SHANK2: variants seen among roughly 807,000 people sequenced by gnomAD.
SHANK2 encodes the protein SH3 and multiple ankyrin repeat domains 2.
In SHANK2, 43 loss-of-function variants were observed where a neutral mutation model predicts 133.7. The observed-to-expected ratio is 0.32, with a 90% confidence interval of 0.25 to 0.41. SHANK2 has a LOEUF of 0.41. Ranked by LOEUF, SHANK2 falls within the 10% of genes least tolerant of loss-of-function variation. SHANK2 has a pLI of 1.00. For missense variants in SHANK2, 1,994 were observed against 2,235.8 expected (o/e 0.89, Z 2.18); for synonymous variants, 1,017 against 952.8 (o/e 1.07, Z -1.24).
rs782186242 is a variant in SHANK2 at position 70,502,332 on chromosome 11, C to T, written c.2198-46G>A. On this transcript the variant is annotated intron_variant, in intron 18 of 25. Coordinates refer to ENST00000601538, the MANE Select transcript of SHANK2 (RefSeq NM_012309.5). ...GGGTGTGAGACCCCAGCCCATGTTT[C>T]CAGATATGGGAATAAGGCTAGCAGT... 11 of 1,519,668 alleles carry T rather than the reference C, an allele frequency of 7.2e-6. No individual in the cohort carries two copies. In the Middle Eastern group the frequency reaches 5.2e-4, roughly 73 times the overall value. The allele number at this position is 1,519,668 out of a possible 1,614,324, so 94.1% of individuals were successfully genotyped here. A position where few individuals can be genotyped will look rare whatever the true frequency, so the allele number is the denominator to read the frequency against.
At chr11:71,110,864 A>G (rs530871812) in intron 5 of SHANK2, among the ~76,000 whole-genome samples, 4 of 152,360 alleles carry the variant, frequency 2.6e-5, no homozygotes, top group Admixed American at 6.5e-5. Flanking sequence ...ATAATCTCCA[A>G]TGTAATAGTA....
In SHANK2 at chr11:70,486,308, G is replaced by T. The variant is rs1555153484; in HGVS notation, c.3985C>A (p.Gln1329Lys). ...ACCTCTGCCTTCTCGTCCTCTTCCT[G>T]CAGGGCGTTGTCCAGCTTAGTGGCG... ...VDATKLDNALQEEDEKAEVEM... is the reference protein window; with the variant it reads ...VDATKLDNALKEEDEKAEVEM... Residue 1329 changes from glutamine to lysine, a missense_variant, in exon 25 of 26, where the codon CAG becomes AAG. Around this residue, in one of 5 missense-constraint regions of SHANK2, gnomAD observed 797 missense variants for 907.4 expected, o/e 0.88. Coordinates refer to ENST00000601538, the MANE Select transcript of SHANK2 (RefSeq NM_012309.5). This position sits in a 1 kb window ranked among gnomAD's most constrained non-coding sequence, Gnocchi z 8.0. 6.2e-7 allele frequency: 1 copy of T among 1,613,944 alleles called. No individual in the cohort carries two copies.
intron 17 of SHANK2, among the ~76,000 whole-genome samples, chr11:70,624,316 C>T (rs1554999051): frequency 6.6e-6 from 1 of 152,034 alleles, no homozygotes; most frequent in African/African-American, 2.4e-5. Flanking sequence ...TGGAGCAACG[C>T]CCCCAGCCAA....
chr11:71,079,910 G>T (rs1951274859), intron 8 of SHANK2, among the ~76,000 whole-genome samples: 2 of 100,608 alleles, frequency 2.0e-5, no homozygotes, highest in African/African-American at 7.5e-5. Context: ...GGGAGGGGAG[G>T]GGAAGGAAGG....
chr11:70,639,990 G>A lies in SHANK2; in HGVS notation c.2061+19838C>T, dbSNP rs372007698. Reference sequence around the variant, plus strand: ...GGCCCACAGGCCCGTCTGGGGCTCAGAGGGCTTTGCCCAGGCCGTCCAGGG... The same window carrying A: ...GGCCCACAGGCCCGTCTGGGGCTCAAAGGGCTTTGCCCAGGCCGTCCAGGG... On this transcript the variant is annotated intron_variant, in intron 17 of 25. Coordinates refer to ENST00000601538, the MANE Select transcript of SHANK2 (RefSeq NM_012309.5). 3.4e-4 allele frequency among the ~76,000 whole-genome samples: 52 copies of A among 152,356 alleles called. 1 individual carries two copies. The highest frequency in any genetic ancestry group is 1.2e-3 in the African/African-American group (50 of 41,598).
rs904600254 is a variant in SHANK2, at chr11:70,486,810, G to C, written c.3483C>G (p.Ala1161=). The C allele has an allele frequency of 1.2e-6, 2 of 1,612,354 alleles. No individual in the cohort carries two copies. Among genetic ancestry groups the C allele is most frequent in the South Asian group, 1.1e-5 (1 of 91,088 alleles). ...CAGCCTCACCCGGAGCACTGGCCTC[G>C]GCGCCACCCACGAAATGGTTTTCGG... ...REPENHFVGG[A]EASAPGEAGR... Residue 1161 remains alanine, a synonymous_variant, in exon 25 of 26, where the codon GCC becomes GCG. Coordinates refer to ENST00000601538, the MANE Select transcript of SHANK2 (RefSeq NM_012309.5). The surrounding 1 kb of genome is among the most constrained non-coding windows in gnomAD (Gnocchi z 8.0).
intron 2 of SHANK2, among the ~76,000 whole-genome samples, chr11:71,212,891 C>T (rs1591025610): frequency 6.8e-6 from 1 of 147,240 alleles, no homozygotes; most frequent in East Asian, 2.1e-4. Context: ...GGACCCCAGG[C>T]GGAGGCACAG....
chr11:70,703,913 C>G (rs1160987962), intron 14 of SHANK2, among the ~76,000 whole-genome samples: 4 of 152,274 alleles, frequency 2.6e-5, no homozygotes, highest in Non-Finnish European at 5.9e-5. Context: ...CCCCACCTGA[C>G]TGCCCAGCCC....
At chr11:70,566,218 T>C (rs2059966672) in intron 17 of SHANK2, among the ~76,000 whole-genome samples, 1 of 152,154 alleles carries the variant, frequency 6.6e-6, no homozygotes, top group South Asian at 2.1e-4. Context: ...ATGGGAATCA[T>C]GGGAGCTACA....
At chr11:71,182,679 A>G (rs1953582971) in intron 2 of SHANK2, among the ~76,000 whole-genome samples, 1 of 152,150 alleles carries the variant, frequency 6.6e-6, no homozygotes, top group Non-Finnish European at 1.5e-5. Flanking sequence ...GATCATCTGC[A>G]AAGTCCCTAT....
At chr11:71,172,861 C>T (rs1056045505) in intron 2 of SHANK2, among the ~76,000 whole-genome samples, 2 of 152,244 alleles carry the variant, frequency 1.3e-5, no homozygotes, top group Non-Finnish European at 2.9e-5. Context: ...ATGGCAGGTA[C>T]ACACACAGTG....
intron 15 of SHANK2, 154 bp from the exon 16 acceptor site, chr11:70,661,832 C>A: frequency 6.2e-7 from 1 of 1,606,000 alleles, no homozygotes; most frequent in Non-Finnish European, 8.5e-7. Flanking sequence ...AGCGAGGGTG[C>A]AGGAGGAGCG....
chr11:70,645,231 T>TA (rs1279988028), intron 17 of SHANK2, among the ~76,000 whole-genome samples: 7 of 151,700 alleles, frequency 4.6e-5, no homozygotes, highest in African/African-American at 1.7e-4. Context: ...AAAACAAAAA[T>TA]AAAAAACACA....
chr11:71,180,879 TCCA>T (rs1342105138), intron 2 of SHANK2, among the ~76,000 whole-genome samples: 1 of 152,004 alleles, frequency 6.6e-6, no homozygotes, highest in African/African-American at 2.4e-5. Flanking sequence ...GTCCCTCCCC[TCCA>T]CCAACGCCCA....
intron 11 of SHANK2, among the ~76,000 whole-genome samples, chr11:70,893,466 T>G (rs974477442): frequency 1.3e-5 from 2 of 152,216 alleles, no homozygotes; most frequent in African/African-American, 2.4e-5. Context: ...TCACAACAGA[T>G]TCACTGTGCT....
At chr11:70,631,066 A>T (rs2060978413) in intron 17 of SHANK2, 1 of 152,222 alleles carries the variant, frequency 6.6e-6, no homozygotes, top group African/African-American at 2.4e-5. Flanking sequence ...TGTGGCATTC[A>T]TAGGAGAAGC....
At chr11:70,798,416 G>T (rs1339657362) in intron 14 of SHANK2, 27 bp downstream of exon 14, 2 of 716,826 alleles carry the variant, frequency 2.8e-6, no homozygotes, top group Admixed American at 2.0e-5. Flanking sequence ...AGGATCGAGG[G>T]TGGGCGGCCA....
At chr11:70,921,082 T>C (rs940480756) in intron 10 of SHANK2, among the ~76,000 whole-genome samples, 5 of 152,160 alleles carry the variant, frequency 3.3e-5, no homozygotes, top group Admixed American at 6.5e-5. Flanking sequence ...TCAATGACTA[T>C]GAGGTCATGT....
chr11:70,561,804 G>A (rs891244262), intron 17 of SHANK2, among the ~76,000 whole-genome samples: 10 of 152,036 alleles, frequency 6.6e-5, no homozygotes, highest in African/African-American at 2.4e-4. Context: ...TAAAGTGTTG[G>A]GATTACAGGA....
Sources: gnomAD v4.1 joint callset for allele counts (sites outside exome capture counted in the v4.1 genomes callset) on GRCh38, gnomAD v4.1.1 for gene constraint, gnomAD v4.1.1 regional missense constraint, Gnocchi (gnomAD v3.1) non-coding constraint, MANE v1.5 for transcripts, NCBI Gene and HGNC (gene_info 2026-07-23, HGNC 2026-07-21) for gene names.